The following CTNNA3 variants were observed in gnomAD, a reference collection of about 807,000 sequenced individuals.
CTNNA3 encodes the protein catenin alpha 3.
Under a neutral mutation model 95.7 loss-of-function variants are expected in CTNNA3, and 76 were observed. That is an observed-to-expected ratio of 0.79 (90% CI 0.66 to 0.96). The LOEUF is 0.96. Among genes scored for constraint, CTNNA3 ranks in the 40% least tolerant of loss-of-function variants. CTNNA3 has a pLI of 0.00. For missense variants in CTNNA3, 1,191 were observed against 1,089.8 expected (o/e 1.09, Z -1.31); for synonymous variants, 431 against 374.4 (o/e 1.15, Z -1.74).
chr10:66,951,691 A>AT (rs1377360046), intron 7 of CTNNA3, among the ~76,000 whole-genome samples: 4 of 152,144 alleles, frequency 2.6e-5, no homozygotes, highest in African/African-American at 4.8e-5. Context: ...AATGTGATTT[A>AT]TTTTTTTCCC....
chr10:67,421,011 T>C (rs1456842011), intron 5 of CTNNA3, among the ~76,000 whole-genome samples: 1 of 152,198 alleles, frequency 6.6e-6, no homozygotes, highest in African/African-American at 2.4e-5. Flanking sequence ...GCCTCTTCTT[T>C]ATAATGAAAT....
At chr10:67,409,977 T>C (rs1697160549) in intron 5 of CTNNA3, among the ~76,000 whole-genome samples, 1 of 151,986 alleles carries the variant, frequency 6.6e-6, no homozygotes, top group Non-Finnish European at 1.5e-5. Context: ...AAGACAAAAA[T>C]ACCACTGGAC....
intron 5 of CTNNA3, among the ~76,000 whole-genome samples, chr10:67,399,957 T>A (rs1333425731): frequency 6.6e-6 from 1 of 152,156 alleles, no homozygotes; most frequent in Non-Finnish European, 1.5e-5. Flanking sequence ...TTAGGGTACA[T>A]GTGCACAACA....
At chr10:66,108,232 A>AAC (rs1244270067) in intron 13 of CTNNA3, among the ~76,000 whole-genome samples, 2 of 152,078 alleles carry the variant, frequency 1.3e-5, no homozygotes, top group Admixed American at 6.6e-5. Flanking sequence ...GCCCTTGTTT[A>AAC]ACACACACAC....
chr10:67,726,464 TG>T (rs1564841189), intron 1 of CTNNA3, among the ~76,000 whole-genome samples: 61 of 41,214 alleles, frequency 1.5e-3, no homozygotes, highest in African/African-American at 4.0e-3. Flanking sequence ...ATATGATATA[TG>T]ATATAATATT....
chr10:66,066,857 T>G (rs2080323200), intron 15 of CTNNA3, among the ~76,000 whole-genome samples: 1 of 152,132 alleles, frequency 6.6e-6, no homozygotes, highest in Admixed American at 6.5e-5. Context: ...GATTATAAAA[T>G]TTAGACTACT....
At chr10:66,661,385 A>G (rs1846259753) in intron 9 of CTNNA3, among the ~76,000 whole-genome samples, 1 of 152,154 alleles carries the variant, frequency 6.6e-6, no homozygotes, top group Non-Finnish European at 1.5e-5. Context: ...TCACGAGAAT[A>G]GCATGGGAAA....
At chr10:67,065,531 C>G (rs1856022392) in intron 7 of CTNNA3, among the ~76,000 whole-genome samples, 1 of 151,996 alleles carries the variant, frequency 6.6e-6, no homozygotes, top group Non-Finnish European at 1.5e-5. Context: ...TCTTCCTGGG[C>G]CCACAGGAAG....
intron 13 of CTNNA3, among the ~76,000 whole-genome samples, chr10:66,154,405 T>A (rs1175309784): frequency 6.6e-6 from 1 of 151,720 alleles, no homozygotes; most frequent in Non-Finnish European, 1.5e-5. Context: ...TCTTTTGGAA[T>A]CTTACTTATA....
intron 7 of CTNNA3, among the ~76,000 whole-genome samples, chr10:67,073,788 G>C (rs1856590734): frequency 1.3e-5 from 2 of 152,098 alleles, no homozygotes; most frequent in African/African-American, 4.8e-5. Flanking sequence ...CATGAAAAAT[G>C]CTAAGCATAA....
chr10:67,197,121 G>A (rs931531153), intron 6 of CTNNA3, among the ~76,000 whole-genome samples: 11 of 152,008 alleles, frequency 7.2e-5, no homozygotes, highest in African/African-American at 2.4e-4. Context: ...AACATCATGT[G>A]TGTCCCACCT....
chr10:66,324,602 G>A lies in CTNNA3; in HGVS notation c.1733-43981C>T, dbSNP rs1589087604. Among the ~76,000 whole-genome samples the A allele has an allele frequency of 3.3e-5, 5 of 152,232 alleles. No individual in the cohort carries two copies. In the East Asian group the frequency reaches 7.8e-4, roughly 24 times the overall value. ...AGCACTGGCCCCAGCCTCTGCACCT[G>A]CCCATCTGCATGCTCCCCTTCCTGC... On this transcript the variant is annotated intron_variant, in intron 12 of 17. Coordinates refer to ENST00000433211, the MANE Select transcript of CTNNA3 (RefSeq NM_013266.4).
chr10:66,097,072 A>G (rs1013645018), intron 14 of CTNNA3, among the ~76,000 whole-genome samples: 1 of 152,182 alleles, frequency 6.6e-6, no homozygotes, highest in African/African-American at 2.4e-5. Flanking sequence ...ACTTTTGTGA[A>G]TACAGATTTA....
chr10:66,212,815 C>T (rs776361975), intron 13 of CTNNA3, among the ~76,000 whole-genome samples: 8 of 152,134 alleles, frequency 5.3e-5, no homozygotes, highest in Non-Finnish European at 1.2e-4. Context: ...ACCAGCCTGG[C>T]CAACATGGCG....
intron 17 of CTNNA3, among the ~76,000 whole-genome samples, chr10:65,941,393 G>T (rs186554862): frequency 1.8e-3 from 279 of 152,290 alleles, no homozygotes; most frequent in African/African-American, 6.5e-3. Context: ...ACTACTCACT[G>T]CTGTCACTCT....
chr10:67,492,378 G>A (rs938087635), intron 5 of CTNNA3, among the ~76,000 whole-genome samples: 9 of 152,108 alleles, frequency 5.9e-5, no homozygotes, highest in African/African-American at 2.2e-4. Context: ...TTACTGAGAA[G>A]TGAAAAGTCA....
chr10:67,635,245 CA>C (rs1839270157), intron 2 of CTNNA3, among the ~76,000 whole-genome samples: 1 of 152,040 alleles, frequency 6.6e-6, no homozygotes, highest in African/African-American at 2.4e-5. Flanking sequence ...ACCAGAGGTA[CA>C]AAAAGGACTG....
chr10:67,156,728 TTC>T (rs1239883419), intron 7 of CTNNA3, among the ~76,000 whole-genome samples: 1 of 152,138 alleles, frequency 6.6e-6, no homozygotes, highest in Non-Finnish European at 1.5e-5. Flanking sequence ...CTGGATAATA[TTC>T]TGTGTGCATT....
intron 11 of CTNNA3, among the ~76,000 whole-genome samples, chr10:66,502,263 T>A (rs1840301963): frequency 6.6e-6 from 1 of 152,146 alleles, no homozygotes; most frequent in South Asian, 2.1e-4. Context: ...TTTCAGGTAC[T>A]GATATGTGTT....
Sources: allele counts gnomAD v4.1 joint callset (sites outside exome capture counted in the v4.1 genomes callset), GRCh38; gene constraint gnomAD v4.1.1; transcripts MANE v1.5; gene names NCBI Gene and HGNC (gene_info 2026-07-23, HGNC 2026-07-21).